The following TOP3B variants were observed in gnomAD, a reference collection of about 807,000 sequenced individuals.
TOP3B encodes DNA topoisomerase III beta.
TOP3B carries 45 observed loss-of-function variants against 93.9 expected under a neutral mutation model. That is an observed-to-expected ratio of 0.48 (90% CI 0.38 to 0.61). The LOEUF (loss-of-function observed/expected upper bound fraction) is 0.61, where lower values mean the gene tolerates loss of function less well. Among genes scored for constraint, TOP3B ranks in the 20% least tolerant of loss-of-function variants. The probability of loss-of-function intolerance (pLI) is 0.00; values close to 1 mark genes in which losing one functional copy is unlikely to be tolerated. For synonymous variants in TOP3B, 357 were observed against 472.6 expected, an observed-to-expected ratio of 0.76 and a Z score of 3.17; for missense variants, 750 against 1,156.1, an observed-to-expected ratio of 0.65 and a Z score of 5.09.
intron 8 of TOP3B, chr22:21,967,277 C>A (rs2071450103): frequency 6.9e-6 from 2 of 289,186 alleles, no homozygotes. Context: ...GTTTGAATCT[C>A]TGTGTGAAAT....
intron 17 of TOP3B, chr22:21,958,239 T>C: frequency 1.8e-5 from 24 of 1,359,520 alleles, no homozygotes; most frequent in Non-Finnish European, 2.2e-5. Flanking sequence ...GAGGGAGCAC[T>C]GCACACCTGT....
chr22:21,965,045 A>G (rs2071360272), intron 9 of TOP3B: 2 of 378,482 alleles, frequency 5.3e-6, no homozygotes, highest in Admixed American at 9.1e-5. Flanking sequence ...TGAAGGTGAC[A>G]TCTGGCTGGG....
At chr22:21,960,482 T>C in intron 13 of TOP3B, 33 bp from the exon 14 acceptor site, 2 of 1,611,556 alleles carry the variant, frequency 1.2e-6, no homozygotes, top group Non-Finnish European at 1.7e-6. Flanking sequence ...GTTCCTGGCC[T>C]GCCTTGGACA....
intron 1 of TOP3B, chr22:21,982,224 G>C (rs1211445518): frequency 6.6e-6 from 1 of 152,168 alleles, no homozygotes; most frequent in Non-Finnish European, 1.5e-5. Context: ...AGAAATTATT[G>C]CCCCTGGATT....
chr22:21,959,185 C>T lies in TOP3B; in HGVS notation c.1852G>A (p.Gly618Ser). Residue 618 changes from glycine to serine, a missense_variant, in exon 16 of 18, where the codon GGC becomes AGC. Gly to Ser is a moderately conservative substitution (Grantham distance 56). This residue lies in a region of TOP3B where 737 missense variants were observed against 933.7 expected (regional missense o/e 0.79). Transcript: ENST00000357179. ...EVSFSPLAAT[G>S]KPLSRCGKCH... ...TTCCCACAGCGTGAGAGGGGCTTGCCTGTGGCCGCCAGGGGCGAGAAAGAC... is the reference window on the plus strand; with the variant it reads ...TTCCCACAGCGTGAGAGGGGCTTGCTTGTGGCCGCCAGGGGCGAGAAAGAC... 1.2e-6 allele frequency: 2 copies of T among 1,613,728 alleles called. No homozygotes were observed. The highest frequency in any genetic ancestry group is 1.3e-5 in the African/African-American group (1 of 75,060).
At position 21,964,010 on chromosome 22, in the gene TOP3B, C is replaced by G; in HGVS notation, c.1117G>C (p.Glu373Gln). Residue 373 changes from glutamate (E) to glutamine (Q), a missense_variant, in exon 11 of 18, where the codon GAA (glutamate) becomes CAA (glutamine). By Grantham distance (29) the Glu-to-Gln change is conservative. Around this residue, in one of 4 missense-constraint regions of TOP3B, gnomAD observed 737 missense variants for 933.7 expected, o/e 0.79. Coordinates refer to ENST00000357179, the MANE Select transcript of TOP3B (RefSeq NM_001282112.2). ...CCTTTCCGCGGGCGGTTGATACCTT[C>G]TGCTAACAACCGCTTCACCTGAGGG... is the stretch of plus-strand genomic sequence containing the variant. Reference protein sequence around the residue: ...WADTVKRLLAEGINRPRKGHD... With the variant: ...WADTVKRLLAQGINRPRKGHD... 6.2e-7 allele frequency: 1 copy of G among 1,609,350 alleles called. No individual in the cohort carries two copies. Among genetic ancestry groups the G allele is most frequent in the Non-Finnish European group, 8.5e-7 (1 of 1,177,862 alleles).
At chr22:21,975,492 C>A (rs1410250127) in intron 2 of TOP3B, 148 bp downstream of exon 2, 3 of 847,328 alleles carry the variant, frequency 3.5e-6, no homozygotes, top group Non-Finnish European at 3.3e-6. Context: ...GCAAATGCAC[C>A]CCACTGTGAC....
chr22:21,959,616 T>C lies in TOP3B; in HGVS notation c.1775A>G (p.Lys592Arg). Residue 592 changes from lysine (K) to arginine (R), a missense_variant, in exon 15 of 18, where the codon AAG becomes AGG. Transcript: ENST00000357179. ...LGHTLDVFKR[K>R]FHYFVDSIAG... ...AATGGAGTCGACAAAGTAGTGGAACTTCCTCTTGAACACGTCCAGGGTGTG... is the reference window on the plus strand; with the variant it reads ...AATGGAGTCGACAAAGTAGTGGAACCTCCTCTTGAACACGTCCAGGGTGTG... The C allele has an allele frequency of 1.9e-6, 3 of 1,613,200 alleles. No homozygotes were observed. Among genetic ancestry groups the C allele is most frequent in the Non-Finnish European group, 2.5e-6 (3 of 1,179,550 alleles).
chr22:21,965,425 T>C (rs370121059), intron 8 of TOP3B, 50 bp from the exon 9 acceptor site: 5 of 1,265,654 alleles, frequency 4.0e-6, no homozygotes, highest in African/African-American at 1.5e-5. Flanking sequence ...GACACCACCA[T>C]AGAGGGAATC....
Position 21,959,249 on chromosome 22 carries a change from T to A in TOP3B, c.1805-17A>T. ...CATCCATGCCTGCGGGCAAGCAGAG[T>A]GCAGGAGTCATCTCCCTCCCAGTCC... On this transcript the variant is annotated splice_polypyrimidine_tract_variant and intron_variant, in intron 15 of 17. Coordinates refer to ENST00000357179, the MANE Select transcript of TOP3B (RefSeq NM_001282112.2). The A allele has an allele frequency of 6.2e-7, 1 of 1,610,666 alleles. No homozygotes were observed. The highest frequency in any genetic ancestry group is 8.5e-7 in the Non-Finnish European group (1 of 1,179,756).
intron 1 of TOP3B, among the ~76,000 whole-genome samples, chr22:21,978,158 AGAG>A (rs951225885): frequency 3.9e-5 from 6 of 152,140 alleles, no homozygotes; most frequent in African/African-American, 1.4e-4. Flanking sequence ...GCCACATAGA[AGAG>A]GATGAATGGG....
intron 13 of TOP3B, chr22:21,961,926 T>C (rs1323702511): frequency 7.4e-6 from 2 of 271,242 alleles, no homozygotes; most frequent in East Asian, 2.0e-4. Context: ...ACTTTTGCTT[T>C]GATAAACTCC....
Position 21,971,898 on chromosome 22 carries a change from C to T in TOP3B, c.363G>A (p.Glu121=), listed in dbSNP as rs768494954. 4 of 1,614,090 alleles carry T rather than the reference C, an allele frequency of 2.5e-6. No individual in the cohort carries two copies. The highest frequency in any genetic ancestry group is 2.5e-6 in the Non-Finnish European group (3 of 1,180,012). The part of the protein sequence containing the change: ...YIVLWLDCDK[E]GENICFEVLD... ...TCACCTCAAAGCAGATGTTCTCCCC[C>T]TCCTTGTCGCAGTCCAGCCACAGCA... is the stretch of plus-strand genomic sequence containing the variant. Residue 121 remains glutamate, a synonymous_variant, in exon 5 of 18, where the codon GAG becomes GAA. Coordinates refer to ENST00000357179, the MANE Select transcript of TOP3B (RefSeq NM_001282112.2). This position sits in a 1 kb window ranked among gnomAD's most constrained non-coding sequence, Gnocchi z 4.6.
chr22:21,963,033 GA>G lies in TOP3B; in HGVS notation c.1205-141del. On this transcript the variant is annotated intron_variant, in intron 11 of 17. Coordinates refer to ENST00000357179, the MANE Select transcript of TOP3B (RefSeq NM_001282112.2). This position sits in a 1 kb window ranked among gnomAD's most constrained non-coding sequence, Gnocchi z 4.8. ...CACACTGCAAATCCTGGGGAAGGAG[GA>G]AAGAAAATGTGCAGGAAGGCCGGGC... 1 of 1,062,480 alleles carries G rather than the reference GA, an allele frequency of 9.4e-7. No homozygotes were observed. Among genetic ancestry groups the G allele is most frequent in the African/African-American group, 1.6e-5 (1 of 62,804 alleles). The allele number at this position is 1,062,480 out of a possible 1,614,324, so 65.8% of individuals were successfully genotyped here. A position where few individuals can be genotyped will look rare whatever the true frequency, so the allele number is the denominator to read the frequency against.
chr22:21,981,239 A>C (rs1203611319), intron 1 of TOP3B, among the ~76,000 whole-genome samples: 1 of 152,226 alleles, frequency 6.6e-6, no homozygotes, highest in Admixed American at 6.5e-5. Flanking sequence ...CATCCTAGGC[A>C]GGGATGCTAA....
In TOP3B at chr22:21,974,490, TG is replaced by T; in HGVS notation, c.71-3del. On this transcript the variant is annotated splice_region_variant and splice_polypyrimidine_tract_variant and intron_variant, in intron 2 of 17. Coordinates refer to ENST00000357179, the MANE Select transcript of TOP3B (RefSeq NM_001282112.2). ...GCCCTTTGTGTGAGGACAGGCTCCC[TG>T]GGGATGAGGAAGCACAAAGTGACTG... The T allele has an allele frequency of 6.2e-7, 1 of 1,602,876 alleles. No individual in the cohort carries two copies. The highest frequency in any genetic ancestry group is 1.1e-5 in the South Asian group (1 of 89,746).
rs1246155455 is a variant in TOP3B, at chr22:21,970,528, C to T, written c.385-122G>A. 2 of 977,354 alleles carry T rather than the reference C, an allele frequency of 2.0e-6. No homozygotes were observed. The highest frequency in any genetic ancestry group is 5.2e-5 in the East Asian group (2 of 38,168). The allele number at this position is 977,354 out of a possible 1,614,324, so 60.5% of individuals were successfully genotyped here. ...CGTGTGCTCGGCTCCCTCTCCTGCC[C>T]CTGCCAGACCCTCCTCTATCCCCTT... On this transcript the variant is annotated intron_variant, in intron 5 of 17. Transcript: ENST00000357179. This position sits in a 1 kb window ranked among gnomAD's most constrained non-coding sequence, Gnocchi z 4.4.
At chr22:21,969,015 G>GACATTATT in intron 6 of TOP3B, 1 of 514,348 alleles carries the variant, frequency 1.9e-6, no homozygotes, top group Non-Finnish European at 3.5e-6. Flanking sequence ...AGGCCAGGGA[G>GACATTATT]CCTTCTATTC....
chr22:21,982,553 G>GC (rs915040587), intron 1 of TOP3B, 177 bp downstream of exon 1: 1 of 152,272 alleles, frequency 6.6e-6, no homozygotes, highest in African/African-American at 2.4e-5. Context: ...AGCAAGCCCC[G>GC]CGGGAGAGTA....
Sources: allele counts gnomAD v4.1 joint callset (sites outside exome capture counted in the v4.1 genomes callset), GRCh38; gene constraint gnomAD v4.1.1; regional missense constraint gnomAD v4.1.1; non-coding constraint Gnocchi (gnomAD v3.1); transcripts MANE v1.5; gene names NCBI Gene and HGNC (gene_info 2026-07-23, HGNC 2026-07-21).